UBTD1: variants seen among roughly 807,000 people sequenced by gnomAD.
UBTD1 encodes ubiquitin domain containing 1.
Under a neutral mutation model 21.7 loss-of-function variants are expected in UBTD1, and 19 were observed. That is an observed-to-expected ratio of 0.87 (90% CI 0.61 to 1.28). The LOEUF is 1.28. Ranked by LOEUF, UBTD1 falls within the 50% of genes most tolerant of loss-of-function variation. The pLI, the probability that UBTD1 is intolerant of heterozygous loss-of-function variation, is 0.00. For missense variants in UBTD1, 282 were observed against 315.1 expected, an observed-to-expected ratio of 0.89 and a Z score of 0.80; for synonymous variants, 116 against 135.1, an observed-to-expected ratio of 0.86 and a Z score of 0.98.
intron 1 of UBTD1, among the ~76,000 whole-genome samples, chr10:97,522,837 G>T (rs1456428214): frequency 6.6e-6 from 1 of 152,218 alleles, no homozygotes; most frequent in African/African-American, 2.4e-5. Context: ...GGGAGCCAGG[G>T]TGTGATGGCT....
chr10:97,569,112 T>C (rs1377899577), intron 2 of UBTD1, among the ~76,000 whole-genome samples: 1 of 152,240 alleles, frequency 6.6e-6, no homozygotes, highest in African/African-American at 2.4e-5. Context: ...CGTGAGCCAC[T>C]GCGCCTGGCC....
intron 1 of UBTD1, among the ~76,000 whole-genome samples, chr10:97,516,809 A>G (rs982573106): frequency 1.3e-5 from 2 of 151,832 alleles, no homozygotes; most frequent in Non-Finnish European, 2.9e-5. Context: ...CATCTCCTAC[A>G]GTCAGGGGAT....
chr10:97,564,869 C>T (rs2040710217), intron 1 of UBTD1, among the ~76,000 whole-genome samples: 1 of 152,184 alleles, frequency 6.6e-6, no homozygotes, highest in Non-Finnish European at 1.5e-5. Flanking sequence ...CAGCCCACAA[C>T]TCCTTATCTT....
At chr10:97,531,919 C>T (rs902980536) in intron 1 of UBTD1, among the ~76,000 whole-genome samples, 1 of 152,120 alleles carries the variant, frequency 6.6e-6, no homozygotes, top group Admixed American at 6.5e-5. Flanking sequence ...CCAAATGGGT[C>T]CCAGAATAGA....
At chr10:97,538,227 C>T (rs1169103815) in intron 1 of UBTD1, among the ~76,000 whole-genome samples, 4 of 152,116 alleles carry the variant, frequency 2.6e-5, no homozygotes, top group South Asian at 4.1e-4. Flanking sequence ...CACAGTGGCT[C>T]GCACCTGTAA....
intron 1 of UBTD1, among the ~76,000 whole-genome samples, chr10:97,550,201 G>A (rs10882963): frequency 0.38 from 57,437 of 151,984 alleles, 12,144 homozygotes; most frequent in East Asian, 0.57. Flanking sequence ...CATAATCGGT[G>A]CATCTGGGAA....
chr10:97,552,629 C>T (rs1393529773), intron 1 of UBTD1, among the ~76,000 whole-genome samples: 1 of 152,080 alleles, frequency 6.6e-6, no homozygotes, highest in Admixed American at 6.6e-5. Context: ...TCTTGAACTC[C>T]TCACCTCAAG....
At chr10:97,520,795 C>A (rs568455129) in intron 1 of UBTD1, among the ~76,000 whole-genome samples, 1 of 152,120 alleles carries the variant, frequency 6.6e-6, no homozygotes, top group Non-Finnish European at 1.5e-5. Flanking sequence ...GTGGCCACCC[C>A]GGTTTCTGCC....
chr10:97,510,705 C>T (rs1315525477), intron 1 of UBTD1, among the ~76,000 whole-genome samples: 1 of 152,158 alleles, frequency 6.6e-6, no homozygotes, highest in Non-Finnish European at 1.5e-5. Context: ...AACCTGACTT[C>T]TTCAGTGTGT....
intron 1 of UBTD1, among the ~76,000 whole-genome samples, chr10:97,547,646 C>T (rs1420969992): frequency 6.6e-6 from 1 of 152,126 alleles, no homozygotes; most frequent in Non-Finnish European, 1.5e-5. Context: ...CTCACTGCAA[C>T]CTCCACCTCC....
At position 97,570,040 on chromosome 10, in the gene UBTD1, G is replaced by C; in HGVS notation, c.299-98G>C. 1.4e-6 allele frequency: 2 copies of C among 1,476,512 alleles called. No individual in the cohort carries two copies. The highest frequency in any genetic ancestry group is 4.6e-5 in the East Asian group (2 of 43,752). 91.5% of individuals were successfully genotyped at this position (1,476,512 alleles called of 1,614,324 possible). A position where few individuals can be genotyped will look rare whatever the true frequency, so the allele number is the denominator to read the frequency against. ...CCATGTCCAAATACAGTCACATTGG[G>C]GGTTAGAGTTTCACCATATGAATTT... is the stretch of plus-strand genomic sequence containing the variant. On this transcript the variant is annotated intron_variant, in intron 2 of 2. Transcript: ENST00000370664. This position sits in a 1 kb window ranked among gnomAD's most constrained non-coding sequence, Gnocchi z 6.6.
In UBTD1 at chr10:97,545,387, C is replaced by CAT. The variant is rs1554866776; in HGVS notation, c.71-22527_71-22526insAT. On this transcript the variant is annotated intron_variant, in intron 1 of 2. Transcript: ENST00000370664. ...TCTATTCTCTGGTAAGTATGGGGCT[C>CAT]GTGTGTGTGTGTGTGTGTGTGTGGG... 5.3e-4 allele frequency among the ~76,000 whole-genome samples: 64 copies of CAT among 120,742 alleles called. 1 individual carries two copies. The highest frequency in any genetic ancestry group is 6.3e-4 in the East Asian group (2 of 3,198). The allele number at this position is 120,742 out of a possible 152,430, so 79.2% of individuals were successfully genotyped here.
intron 1 of UBTD1, among the ~76,000 whole-genome samples, chr10:97,522,031 T>C (rs1040250052): frequency 6.6e-6 from 1 of 152,178 alleles, no homozygotes; most frequent in African/African-American, 2.4e-5. Flanking sequence ...CAACATCAAG[T>C]TTCTATAGAT....
intron 1 of UBTD1, among the ~76,000 whole-genome samples, chr10:97,525,621 G>A (rs2040485101): frequency 6.6e-6 from 1 of 152,070 alleles, no homozygotes; most frequent in Non-Finnish European, 1.5e-5. Context: ...CCCTCCACTG[G>A]CCTCTGCACC....
At chr10:97,528,474 C>T (rs1387612452) in intron 1 of UBTD1, among the ~76,000 whole-genome samples, 10 of 60,968 alleles carry the variant, frequency 1.6e-4, no homozygotes, top group East Asian at 5.9e-4. Context: ...TAGGGGCGGC[C>T]GGGCAGAGGT....
At chr10:97,531,109 C>A (rs2040529157) in intron 1 of UBTD1, among the ~76,000 whole-genome samples, 1 of 152,008 alleles carries the variant, frequency 6.6e-6, no homozygotes, top group East Asian at 1.9e-4. Flanking sequence ...GGATGGTCTC[C>A]ATCTCCTGAC....
intron 1 of UBTD1, among the ~76,000 whole-genome samples, chr10:97,500,451 A>G (rs577855271): frequency 6.6e-6 from 1 of 152,248 alleles, no homozygotes; most frequent in Non-Finnish European, 1.5e-5. Flanking sequence ...GGAAGGATGC[A>G]GTAAAACTTA....
At chr10:97,499,297 G>A (rs1369941004) in intron 1 of UBTD1, 24 bp downstream of exon 1, 2 of 1,544,284 alleles carry the variant, frequency 1.3e-6, no homozygotes, top group Admixed American at 4.0e-5. Context: ...AGGGAGCAGG[G>A]CCTCGGGCAT....
chr10:97,507,465 C>T (rs1589866937), intron 1 of UBTD1, among the ~76,000 whole-genome samples: 1 of 148,794 alleles, frequency 6.7e-6, no homozygotes. Flanking sequence ...AGTGAGACCT[C>T]GTCTCTATTA....
Sources: allele counts gnomAD v4.1 joint callset (sites outside exome capture counted in the v4.1 genomes callset), GRCh38; gene constraint gnomAD v4.1.1; non-coding constraint Gnocchi (gnomAD v3.1); transcripts MANE v1.5; gene names NCBI Gene and HGNC (gene_info 2026-07-23, HGNC 2026-07-21).